GPNMB: variants seen among roughly 807,000 people sequenced by gnomAD.
The protein encoded by GPNMB is transmembrane glycoprotein NMB.
Under a neutral mutation model 57.3 loss-of-function variants are expected in GPNMB, and 71 were observed. That is an observed-to-expected ratio of 1.24 (90% CI 1.02 to 1.51). GPNMB has a LOEUF of 1.51. Among genes scored for constraint, GPNMB ranks in the 40% most tolerant of loss-of-function variants. The probability of loss-of-function intolerance (pLI) is 0.00; values close to 1 mark genes in which losing one functional copy is unlikely to be tolerated. For synonymous variants in GPNMB, 253 were observed against 263.2 expected (o/e 0.96, Z 0.38); for missense variants, 677 against 691.9 (o/e 0.98, Z 0.24).
intron 4 of GPNMB, chr7:23,257,618 G>GCC: frequency 6.4e-6 from 1 of 156,726 alleles, no homozygotes; most frequent in Non-Finnish European, 1.4e-5. Context: ...GTTGCAGTGA[G>GCC]AGGAGATTGA....
Position 23,267,961 on chromosome 7 carries a change from T to A in GPNMB, c.1193T>A (p.Ile398Lys). 6.2e-7 allele frequency: 1 copy of A among 1,613,224 alleles called. No individual in the cohort carries two copies. Among genetic ancestry groups the A allele is most frequent in the South Asian group, 1.1e-5 (1 of 91,060 alleles). Residue 398 changes from isoleucine (I) to lysine (K), a missense_variant, in exon 8 of 11, where the codon ATA becomes AAA. Ile to Lys is a moderately radical substitution (Grantham distance 102). Coordinates refer to ENST00000258733, the MANE Select transcript of GPNMB (RefSeq NM_002510.3). The part of the protein sequence containing the change: ...MPVPWPESSL[I>K]DFVVTCQGSI... ...GTGCCATGGCCTGAAAGCTCCCTAA[T>A]AGACTTTGTCGTGACCTGCCAAGGG... is the stretch of plus-strand genomic sequence containing the variant.
In GPNMB at chr7:23,267,982, A is replaced by G; in HGVS notation, c.1214A>G (p.Gln405Arg). ...SSLIDFVVTC[Q>R]GSIPTEVCTI... ...CTAATAGACTTTGTCGTGACCTGCCAAGGGAGGTGAGTATATTATCTCCGA... is the reference window on the plus strand; with the variant it reads ...CTAATAGACTTTGTCGTGACCTGCCGAGGGAGGTGAGTATATTATCTCCGA... Residue 405 changes from glutamine (Q) to arginine (R), a missense_variant, in exon 8 of 11, where the codon CAA (glutamine) becomes CGA (arginine). Physicochemically the swap from Gln to Arg is conservative, Grantham distance 43. Transcript: ENST00000258733. 6.2e-7 allele frequency: 1 copy of G among 1,600,318 alleles called. No individual in the cohort carries two copies. Among genetic ancestry groups the G allele is most frequent in the South Asian group, 1.1e-5 (1 of 90,748 alleles).
chr7:23,248,518 T>A (rs559064142), intron 1 of GPNMB, among the ~76,000 whole-genome samples: 59 of 152,260 alleles, frequency 3.9e-4, no homozygotes, highest in African/African-American at 1.3e-3. Context: ...GCAGGCAGAA[T>A]GTAGCAGTGT....
intron 6 of GPNMB, among the ~76,000 whole-genome samples, chr7:23,263,147 C>T (rs1405697640): frequency 6.6e-6 from 1 of 152,038 alleles, no homozygotes; most frequent in Non-Finnish European, 1.5e-5. Context: ...TGGTAAAAGA[C>T]TTAATGTTAG....
intron 10 of GPNMB, 55 bp from the exon 11 acceptor site, chr7:23,274,010 T>C: frequency 7.4e-7 from 1 of 1,345,938 alleles, no homozygotes; most frequent in Non-Finnish European, 1.0e-6. Context: ...TGTAGAAAGT[T>C]GTATATTTCA....
intron 6 of GPNMB, among the ~76,000 whole-genome samples, chr7:23,261,471 G>A (rs1208947158): frequency 1.3e-5 from 2 of 152,194 alleles, no homozygotes; most frequent in African/African-American, 4.8e-5. Context: ...ATGAGTTCAT[G>A]TCCTTTGTAG....
At chr7:23,268,889 C>T (rs998077017) in intron 8 of GPNMB, among the ~76,000 whole-genome samples, 4 of 152,140 alleles carry the variant, frequency 2.6e-5, no homozygotes, top group Admixed American at 1.3e-4. Flanking sequence ...AGCATCAGAG[C>T]CTGGTCTCTC....
intron 9 of GPNMB, among the ~76,000 whole-genome samples, chr7:23,272,716 C>T (rs1408348786): frequency 6.6e-6 from 1 of 152,188 alleles, no homozygotes; most frequent in Non-Finnish European, 1.5e-5. Flanking sequence ...TATCCCTGAG[C>T]ATCTACTCCA....
intron 9 of GPNMB, among the ~76,000 whole-genome samples, chr7:23,270,846 C>T (rs1783185666): frequency 6.6e-6 from 1 of 152,164 alleles, no homozygotes; most frequent in Non-Finnish European, 1.5e-5. Context: ...TCCAACTTCC[C>T]CCAACCTCCA....
chr7:23,262,096 CA>C (rs1161708067), intron 6 of GPNMB, among the ~76,000 whole-genome samples: 1 of 150,784 alleles, frequency 6.6e-6, no homozygotes, highest in Non-Finnish European at 1.5e-5. Flanking sequence ...CTTGTTTTTA[CA>C]AAATCCTGTT....
At position 23,254,202 on chromosome 7, in the gene GPNMB, C is replaced by A; in HGVS notation, c.257C>A (p.Ser86Ter). ...GRVQAVLTSD[S>*]PALVGSNITF... ...GTGCAGGCGGTCCTGACCAGTGACTCACCAGCCCTCGTGGGCTCAAATATA... is the reference window on the plus strand; with the variant it reads ...GTGCAGGCGGTCCTGACCAGTGACTAACCAGCCCTCGTGGGCTCAAATATA... The change falls in exon 3 of 11, where the codon TCA (serine) becomes TAA (stop). Residue 86 changes from serine to a stop codon, truncating the protein, a stop_gained. Coordinates refer to ENST00000258733, the MANE Select transcript of GPNMB (RefSeq NM_002510.3). LOFTEE classifies it high-confidence loss of function. The A allele has an allele frequency of 6.2e-7, 1 of 1,614,042 alleles. No homozygotes were observed. Among genetic ancestry groups the A allele is most frequent in the Non-Finnish European group, 8.5e-7 (1 of 1,179,916 alleles).
In GPNMB at chr7:23,253,159, C is replaced by T. The variant is rs115671841; in HGVS notation, c.71-148C>T. 1.6e-3 allele frequency: 952 copies of T among 583,986 alleles called. 8 individuals carry two copies. The highest frequency in any genetic ancestry group is 0.016 in the African/African-American group (849 of 52,820). 36.2% of individuals were successfully genotyped at this position (583,986 alleles called of 1,614,324 possible). A position where few individuals can be genotyped will look rare whatever the true frequency, so the allele number is the denominator to read the frequency against. On this transcript the variant is annotated intron_variant, in intron 1 of 10. Transcript: ENST00000258733. ...TAATCAAGGTATTTCCAGGAGACTT[C>T]CTTTAAAAAACAAAGCACCCTCTGT...
intron 6 of GPNMB, among the ~76,000 whole-genome samples, chr7:23,264,466 G>A (rs1488686187): frequency 6.6e-6 from 1 of 151,926 alleles, no homozygotes; most frequent in Non-Finnish European, 1.5e-5. Context: ...TCTGCCTTCT[G>A]GGTTCAAGTA....
chr7:23,248,090 G>A (rs1782577279), intron 1 of GPNMB: 3 of 152,306 alleles, frequency 2.0e-5, no homozygotes. Flanking sequence ...TAGGGGCTGG[G>A]TCTCCAGTGG....
At chr7:23,248,085 G>C (rs1215104697) in intron 1 of GPNMB, 4 of 152,296 alleles carry the variant, frequency 2.6e-5, no homozygotes, top group Non-Finnish European at 4.4e-5. Context: ...CAGCCTAGGG[G>C]CTGGGTCTCC....
At position 23,274,541 on chromosome 7, in the gene GPNMB, T is replaced by G. The variant is rs1783291890; in HGVS notation, c.*317T>G. 5.0e-6 allele frequency: 1 copy of G among 200,170 alleles called. No homozygotes were observed. Among genetic ancestry groups the G allele is most frequent in the Non-Finnish European group, 1.0e-5 (1 of 99,080 alleles). The allele number at this position is 200,170 out of a possible 1,614,324, so 12.4% of individuals were successfully genotyped here. On this transcript the variant is annotated 3_prime_UTR_variant, in exon 11 of 11. Coordinates refer to ENST00000258733, the MANE Select transcript of GPNMB (RefSeq NM_002510.3). ...TCCCGAGAGTAAGGAGAGAAGCTAC[T>G]ATTGATTAGAGCCTAACCCAGGTTA...
intron 1 of GPNMB, among the ~76,000 whole-genome samples, chr7:23,248,776 G>GGGT (rs113494779): frequency 7.0e-6 from 1 of 143,384 alleles, no homozygotes; most frequent in African/African-American, 2.5e-5. Context: ...TTACTATTGG[G>GGGT]TTTTTTTTTT....
chr7:23,271,849 A>G (rs1004485770), intron 9 of GPNMB, among the ~76,000 whole-genome samples: 1 of 152,228 alleles, frequency 6.6e-6, no homozygotes, highest in Non-Finnish European at 1.5e-5. Context: ...CATTAATAAT[A>G]TAAATGGCAG....
At chr7:23,258,345 G>C (rs1562636141) in intron 4 of GPNMB, among the ~76,000 whole-genome samples, 1 of 152,198 alleles carries the variant, frequency 6.6e-6, no homozygotes, top group Admixed American at 6.5e-5. Flanking sequence ...CCATTGAACA[G>C]AGTATAAGCT....
Sources: allele counts gnomAD v4.1 joint callset (sites outside exome capture counted in the v4.1 genomes callset), GRCh38; gene constraint gnomAD v4.1.1; transcripts MANE v1.5; gene names NCBI Gene and HGNC (gene_info 2026-07-23, HGNC 2026-07-21).